Variants in TTC27 observed in about 807,000 individuals in gnomAD.
TTC27 encodes the protein tetratricopeptide repeat protein 27.
Under a neutral mutation model 115.9 loss-of-function variants are expected in TTC27, and 79 were observed. That is an observed-to-expected ratio of 0.68 (90% CI 0.57 to 0.82). The LOEUF (loss-of-function observed/expected upper bound fraction) is 0.82. TTC27 is among the 40% of genes least tolerant of loss of function. The probability of loss-of-function intolerance (pLI) is 0.00; values close to 1 mark genes in which losing one functional copy is unlikely to be tolerated. For missense variants in TTC27, 1,054 were observed against 993.1 expected, an observed-to-expected ratio of 1.06 and a Z score of -0.82; for synonymous variants, 401 against 356.0, an observed-to-expected ratio of 1.13 and a Z score of -1.42.
intron 9 of TTC27, among the ~76,000 whole-genome samples, chr2:32,701,169 A>G (rs1199280370): frequency 6.6e-6 from 1 of 152,210 alleles, no homozygotes; most frequent in African/African-American, 2.4e-5. Flanking sequence ...CCCAGTATAC[A>G]CTGCCATGTA....
intron 12 of TTC27, among the ~76,000 whole-genome samples, chr2:32,745,135 T>C (rs771207453): frequency 1.4e-4 from 21 of 150,844 alleles, no homozygotes; most frequent in Non-Finnish European, 2.8e-4. Context: ...GACTAGATTA[T>C]GCAACACAAT....
chr2:32,704,753 G>A (rs1667309221), intron 10 of TTC27: 1 of 415,540 alleles, frequency 2.4e-6, no homozygotes, highest in Non-Finnish European at 5.0e-6. Context: ...TTATTTTGGA[G>A]ACTGCCCTTC....
At chr2:32,647,193 T>C (rs1490040253) in intron 4 of TTC27, among the ~76,000 whole-genome samples, 1 of 151,920 alleles carries the variant, frequency 6.6e-6, no homozygotes, top group Non-Finnish European at 1.5e-5. Flanking sequence ...GTGAGCTTCC[T>C]GCTACCCAAA....
intron 18 of TTC27, among the ~76,000 whole-genome samples, 194 bp from the exon 19 acceptor site, chr2:32,817,256 AAAAGAAG>A (rs1369494071): frequency 1.2e-4 from 19 of 152,012 alleles, no homozygotes; most frequent in African/African-American, 3.9e-4. Context: ...TTAAAAAAAA[AAAAGAAG>A]AAGAAGAAGA....
chr2:32,809,694 C>T (rs1259156891), intron 16 of TTC27, among the ~76,000 whole-genome samples: 1 of 152,224 alleles, frequency 6.6e-6, no homozygotes, highest in African/African-American at 2.4e-5. Context: ...TTCAGATACA[C>T]AGCCTAATGT....
intron 13 of TTC27, among the ~76,000 whole-genome samples, chr2:32,765,266 GC>G (rs2148001218): frequency 6.6e-6 from 1 of 152,182 alleles, no homozygotes; most frequent in Admixed American, 6.5e-5. Context: ...GTGTTAGCAA[GC>G]ATGAAAACAT....
chr2:32,655,037 G>A (rs902747809), intron 5 of TTC27, among the ~76,000 whole-genome samples: 9 of 150,842 alleles, frequency 6.0e-5, no homozygotes, highest in Admixed American at 4.0e-4. Flanking sequence ...CACCCAGGCT[G>A]GAGTGCAATG....
intron 4 of TTC27, among the ~76,000 whole-genome samples, chr2:32,646,942 G>T (rs1346162947): frequency 6.7e-6 from 1 of 149,340 alleles, no homozygotes; most frequent in Non-Finnish European, 1.5e-5. Flanking sequence ...ATTTTTGAGA[G>T]TTCAGCATAT....
At chr2:32,756,330 G>C (rs943824848) in intron 12 of TTC27, among the ~76,000 whole-genome samples, 1 of 152,208 alleles carries the variant, frequency 6.6e-6, no homozygotes, top group African/African-American at 2.4e-5. Flanking sequence ...GTTTGTGGTT[G>C]AATACATCTC....
At chr2:32,686,805 C>T (rs1027946274) in intron 9 of TTC27, among the ~76,000 whole-genome samples, 13 of 151,964 alleles carry the variant, frequency 8.6e-5, no homozygotes, top group African/African-American at 3.1e-4. Flanking sequence ...GACTTTTTTG[C>T]TTGGAAGAAG....
At chr2:32,629,850 G>A (rs887586890) in intron 1 of TTC27, among the ~76,000 whole-genome samples, 3 of 152,196 alleles carry the variant, frequency 2.0e-5, no homozygotes, top group Non-Finnish European at 2.9e-5. Flanking sequence ...GGACCCAAAA[G>A]AGTAATAATG....
chr2:32,761,453 G>A lies in TTC27; in HGVS notation c.1680+2934G>A, dbSNP rs577625882. Among the ~76,000 whole-genome samples, 7 of 152,124 alleles carry A rather than the reference G, an allele frequency of 4.6e-5. 1 individual carries two copies. In the South Asian group the frequency reaches 8.3e-4, roughly 18 times the overall value. ...CATCCACATTTATCTTTCAAACTCA[G>A]GTCAGTTATGGTAATACCCAGTCTC... On this transcript the variant is annotated intron_variant, in intron 13 of 19. Coordinates refer to ENST00000317907, the MANE Select transcript of TTC27 (RefSeq NM_017735.5).
At chr2:32,678,981 G>A (rs1666326785) in intron 9 of TTC27, 59 bp downstream of exon 9, 2 of 1,445,344 alleles carry the variant, frequency 1.4e-6, no homozygotes, top group African/African-American at 1.4e-5. Flanking sequence ...ACTTCCTCTG[G>A]TATGGTCTTG....
intron 8 of TTC27, among the ~76,000 whole-genome samples, chr2:32,677,616 ATTT>A (rs1352971765): frequency 6.6e-6 from 1 of 151,894 alleles, no homozygotes; most frequent in Non-Finnish European, 1.5e-5. Flanking sequence ...CCCCCAGTTA[ATTT>A]TTTGTATTTT....
At chr2:32,641,613 T>C (rs1664651390) in intron 4 of TTC27, among the ~76,000 whole-genome samples, 1 of 152,198 alleles carries the variant, frequency 6.6e-6, no homozygotes, top group Admixed American at 6.5e-5. Flanking sequence ...GTGTCAGAAA[T>C]AGTACATCTA....
intron 16 of TTC27, among the ~76,000 whole-genome samples, chr2:32,807,251 A>G (rs994705734): frequency 2.0e-5 from 3 of 152,180 alleles, no homozygotes; most frequent in African/African-American, 7.2e-5. Context: ...TAACAGATAT[A>G]TAGTTTTACA....
At chr2:32,812,739 T>C in intron 18 of TTC27, 124 bp downstream of exon 18, 3 of 688,296 alleles carry the variant, frequency 4.4e-6, no homozygotes, top group Non-Finnish European at 2.5e-6. Context: ...TATATTGACA[T>C]TGTTGTATTT....
chr2:32,777,904 G>A lies in TTC27; in HGVS notation c.1703G>A (p.Gly568Asp). The change falls in exon 14 of 20, where the codon GGT (glycine) becomes GAT (aspartate). Residue 568 changes from glycine (G) to aspartate (D), a missense_variant. Gly to Asp is a moderately conservative substitution (Grantham distance 94). Coordinates refer to ENST00000317907, the MANE Select transcript of TTC27 (RefSeq NM_017735.5). ...PMQLGVWFSL[G>D]CAYLALEDYQ... ...CAGCTCGGGGTGTGGTTTTCTCTCG[G>A]TTGTGCCTATTTGGCCTTGGAAGAC... 6.2e-7 allele frequency: 1 copy of A among 1,613,980 alleles called. No individual in the cohort carries two copies. The highest frequency in any genetic ancestry group is 2.2e-5 in the East Asian group (1 of 44,880).
At chr2:32,772,631 A>G (rs908159267) in intron 13 of TTC27, among the ~76,000 whole-genome samples, 3 of 152,184 alleles carry the variant, frequency 2.0e-5, no homozygotes, top group Non-Finnish European at 4.4e-5. Flanking sequence ...AAGTGTTCTG[A>G]GCATGTTTAA....
Sources: gnomAD v4.1 joint callset for allele counts (sites outside exome capture counted in the v4.1 genomes callset) on GRCh38, gnomAD v4.1.1 for gene constraint, MANE v1.5 for transcripts, NCBI Gene and HGNC (gene_info 2026-07-23, HGNC 2026-07-21) for gene names.